Variants in GLRA1 observed in about 807,000 individuals in gnomAD.
GLRA1 encodes the protein glycine receptor alpha 1.
Under a neutral mutation model 48.3 loss-of-function variants are expected in GLRA1, and 37 were observed. The observed-to-expected ratio is 0.77, with a 90% CI of 0.59 to 1.01. GLRA1 has a LOEUF of 1.01. Ranked by LOEUF, GLRA1 falls within the 50% of genes least tolerant of loss-of-function variation. GLRA1 has a pLI of 0.00. For missense variants in GLRA1, 427 were observed against 571.0 expected (o/e 0.75, Z 2.57); for synonymous variants, 196 against 210.7 (o/e 0.93, Z 0.60).
At chr5:151,857,332 A>C (rs1753074744) in intron 4 of GLRA1, among the ~76,000 whole-genome samples, 1 of 152,216 alleles carries the variant, frequency 6.6e-6, no homozygotes, top group South Asian at 2.1e-4. Context: ...AGGTTGCCTC[A>C]AGTGACACAG....
chr5:151,872,444 T>G (rs1405523987), intron 3 of GLRA1, among the ~76,000 whole-genome samples: 1 of 149,620 alleles, frequency 6.7e-6, no homozygotes, highest in East Asian at 1.9e-4. Flanking sequence ...TAAACACTAT[T>G]GTAGGGAATG....
intron 1 of GLRA1, among the ~76,000 whole-genome samples, chr5:151,894,522 G>A (rs1013787420): frequency 2.6e-5 from 4 of 152,106 alleles, no homozygotes; most frequent in African/African-American, 9.7e-5. Flanking sequence ...ACGCCTCAGA[G>A]CCATCTTGTC....
At chr5:151,876,760 T>A (rs1272720671) in intron 3 of GLRA1, among the ~76,000 whole-genome samples, 1 of 152,178 alleles carries the variant, frequency 6.6e-6, no homozygotes. Flanking sequence ...TGGCAGTTGT[T>A]ATGGACTGAA....
chr5:151,916,069 A>G (rs1754732141), intron 1 of GLRA1, among the ~76,000 whole-genome samples: 1 of 152,128 alleles, frequency 6.6e-6, no homozygotes, highest in South Asian at 2.1e-4. Context: ...ATCTCTATCT[A>G]TCTGTCTATC....
intron 1 of GLRA1, among the ~76,000 whole-genome samples, chr5:151,906,377 A>G (rs1259438618): frequency 6.6e-6 from 1 of 152,252 alleles, no homozygotes; most frequent in Non-Finnish European, 1.5e-5. Context: ...GAATGCAGGA[A>G]ATACCGGATG....
At chr5:151,912,604 G>A (rs930928271) in intron 1 of GLRA1, among the ~76,000 whole-genome samples, 7 of 152,196 alleles carry the variant, frequency 4.6e-5, no homozygotes, top group Admixed American at 3.9e-4. Flanking sequence ...AGTGGTCATG[G>A]TGAGATACAG....
At chr5:151,877,706 C>G (rs923029738) in intron 3 of GLRA1, among the ~76,000 whole-genome samples, 18 of 152,198 alleles carry the variant, frequency 1.2e-4, no homozygotes, top group East Asian at 1.2e-3. Flanking sequence ...CTCACAAGAT[C>G]TGATAGTTTT....
chr5:151,860,662 A>T (rs536666671), intron 3 of GLRA1, among the ~76,000 whole-genome samples: 1 of 152,284 alleles, frequency 6.6e-6, no homozygotes, highest in South Asian at 2.1e-4. Flanking sequence ...ACTTACTGTG[A>T]CATATGTTGA....
intron 2 of GLRA1, among the ~76,000 whole-genome samples, chr5:151,892,110 C>T (rs753645784): frequency 4.6e-5 from 7 of 152,142 alleles, no homozygotes; most frequent in Non-Finnish European, 1.0e-4. Flanking sequence ...ACCAGAGGTG[C>T]TGTTAAATTG....
At chr5:151,901,451 G>A (rs557007604) in intron 1 of GLRA1, among the ~76,000 whole-genome samples, 11 of 152,292 alleles carry the variant, frequency 7.2e-5, no homozygotes, top group African/African-American at 2.6e-4. Context: ...AGCCTATGGG[G>A]TTTACTCTGA....
In GLRA1 at chr5:151,874,203, C is replaced by A. The variant is rs145858748; in HGVS notation, c.252+12518G>T. ...CAGAGCTGCCCAAAGATGAAATGGG[C>A]AGTCCCTTTACCATCAGGGTGCTCT... On this transcript the variant is annotated intron_variant, in intron 3 of 8. Coordinates refer to ENST00000274576, the MANE Select transcript of GLRA1 (RefSeq NM_000171.4). Among the ~76,000 whole-genome samples the A allele has an allele frequency of 6.6e-5, 10 of 152,268 alleles. No homozygotes were observed. In the East Asian group the frequency reaches 1.9e-3, roughly 29 times the overall value.
intron 7 of GLRA1, among the ~76,000 whole-genome samples, chr5:151,834,235 C>T (rs1298770725): frequency 6.6e-6 from 1 of 152,138 alleles, no homozygotes; most frequent in African/African-American, 2.4e-5. Flanking sequence ...GTAAAACATT[C>T]CTCAGCAAAT....
In GLRA1 at chr5:151,884,427, T is replaced by TCAAAATAAAACAAAACAAAA. The variant is rs139916780; in HGVS notation, c.252+2293_252+2294insTTTTGTTTTGTTTTATTTTG. On this transcript the variant is annotated intron_variant, in intron 3 of 8. Coordinates refer to ENST00000274576, the MANE Select transcript of GLRA1 (RefSeq NM_000171.4). ...CTGGGCAACAGGGTGAAACTCTGTC[T>TCAAAATAAAACAAAACAAAA]CAAAACAAAACAAAACAAAACAAAA... is the stretch of plus-strand genomic sequence containing the variant. Among the ~76,000 whole-genome samples, 31 of 148,824 alleles carry TCAAAATAAAACAAAACAAAA rather than the reference T, an allele frequency of 2.1e-4. 1 individual carries two copies. In the East Asian group the frequency reaches 5.4e-3, roughly 26 times the overall value.
At chr5:151,908,183 CCAA>C (rs1288592201) in intron 1 of GLRA1, among the ~76,000 whole-genome samples, 2 of 152,212 alleles carry the variant, frequency 1.3e-5, no homozygotes, top group Non-Finnish European at 2.9e-5. Flanking sequence ...TAGGCTCCTA[CCAA>C]CATCAGCCAT....
At chr5:151,900,401 C>T (rs1283918375) in intron 1 of GLRA1, among the ~76,000 whole-genome samples, 1 of 152,198 alleles carries the variant, frequency 6.6e-6, no homozygotes, top group Non-Finnish European at 1.5e-5. Flanking sequence ...CTTACAGCAT[C>T]CTGCTTTATT....
chr5:151,898,671 A>G (rs1471454665), intron 1 of GLRA1, among the ~76,000 whole-genome samples: 1 of 152,168 alleles, frequency 6.6e-6, no homozygotes, highest in Non-Finnish European at 1.5e-5. Flanking sequence ...GAGAGTAACC[A>G]AAGGAAGGAC....
intron 4 of GLRA1, among the ~76,000 whole-genome samples, 187 bp from the exon 5 acceptor site, chr5:151,856,570 G>C (rs1440406109): frequency 6.6e-6 from 1 of 152,144 alleles, no homozygotes; most frequent in African/African-American, 2.4e-5. Flanking sequence ...CCAGGCTGGA[G>C]CGCAATGATG....
At chr5:151,846,007 G>A (rs1752667049) in intron 7 of GLRA1, among the ~76,000 whole-genome samples, 1 of 152,148 alleles carries the variant, frequency 6.6e-6, no homozygotes, top group South Asian at 2.1e-4. Flanking sequence ...TCCAGAAAAG[G>A]CAAATTTATA....
chr5:151,861,490 T>C (rs1010195299), intron 3 of GLRA1, among the ~76,000 whole-genome samples: 1 of 152,246 alleles, frequency 6.6e-6, no homozygotes, highest in Non-Finnish European at 1.5e-5. Context: ...ATGATGAGCA[T>C]TTTTTCATGT....
Sources: allele counts gnomAD v4.1 joint callset (sites outside exome capture counted in the v4.1 genomes callset), GRCh38; gene constraint gnomAD v4.1.1; transcripts MANE v1.5; gene names NCBI Gene and HGNC (gene_info 2026-07-23, HGNC 2026-07-21).